Variants in LMBRD1 observed in about 807,000 individuals in gnomAD.
LMBRD1 encodes the protein LMBR1 domain containing 1, also known as lysosomal cobalamin transport escort protein LMBD1.
LMBRD1 carries 64 observed loss-of-function variants against 74.8 expected under a neutral mutation model. That is an observed-to-expected ratio of 0.86 (90% confidence interval 0.70 to 1.05). The LOEUF is 1.05. Among genes scored for constraint, LMBRD1 ranks in the 50% least tolerant of loss-of-function variants. LMBRD1 has a pLI of 0.00. For synonymous variants in LMBRD1, 204 were observed against 216.3 expected, an observed-to-expected ratio of 0.94 and a Z score of 0.50; for missense variants, 652 against 645.9, an observed-to-expected ratio of 1.01 and a Z score of -0.10.
At chr6:69,679,697 C>T (rs952618662) in intron 14 of LMBRD1, among the ~76,000 whole-genome samples, 6 of 152,154 alleles carry the variant, frequency 3.9e-5, no homozygotes, top group African/African-American at 1.2e-4. Flanking sequence ...GCCCAGGCTC[C>T]GGACTCTGAC....
At chr6:69,730,887 T>A (rs1489638487) in intron 7 of LMBRD1, among the ~76,000 whole-genome samples, 1 of 152,078 alleles carries the variant, frequency 6.6e-6, no homozygotes, top group African/African-American at 2.4e-5. Context: ...TGCAAAAGGA[T>A]TCCCTTCTAT....
intron 3 of LMBRD1, among the ~76,000 whole-genome samples, chr6:69,778,180 A>ATG (rs1175060947): frequency 1.3e-5 from 2 of 152,154 alleles, no homozygotes; most frequent in East Asian, 3.8e-4. Flanking sequence ...TTTTAAACAA[A>ATG]TTTTTTTCCT....
At chr6:69,764,178 G>A (rs1765431091) in intron 3 of LMBRD1, among the ~76,000 whole-genome samples, 1 of 152,174 alleles carries the variant, frequency 6.6e-6, no homozygotes, top group Non-Finnish European at 1.5e-5. Flanking sequence ...TTCATATGTT[G>A]AAGCCCTAAC....
chr6:69,765,399 T>A (rs1765457861), intron 3 of LMBRD1, among the ~76,000 whole-genome samples: 1 of 152,208 alleles, frequency 6.6e-6, no homozygotes, highest in Non-Finnish European at 1.5e-5. Context: ...TTGGCACAGC[T>A]GTTGAAAATC....
chr6:69,796,976 C>G lies in LMBRD1; in HGVS notation c.-95G>C. The G allele has an allele frequency of 1.8e-6, 2 of 1,104,500 alleles. No homozygotes were observed. Among genetic ancestry groups the G allele is most frequent in the Non-Finnish European group, 2.7e-6 (2 of 743,410 alleles). The allele number at this position is 1,104,500 out of a possible 1,614,324, so 68.4% of individuals were successfully genotyped here. A position where few individuals can be genotyped will look rare whatever the true frequency, so the allele number is the denominator to read the frequency against. The stretch of plus-strand genomic sequence containing the variant: ...GCGAGATATACTGCACCCGCGCACC[C>G]TAAAGGTTAAAGGGGCGGAGGGGGA... On this transcript the variant is annotated 5_prime_UTR_variant, in exon 1 of 16. Coordinates refer to ENST00000649934, the MANE Select transcript of LMBRD1 (RefSeq NM_018368.4).
intron 14 of LMBRD1, among the ~76,000 whole-genome samples, chr6:69,679,659 C>A (rs1582038054): frequency 6.6e-6 from 1 of 152,134 alleles, no homozygotes; most frequent in East Asian, 1.9e-4. Flanking sequence ...TAAAGCATAA[C>A]TAAAATGTCC....
chr6:69,697,569 G>C lies in LMBRD1; in HGVS notation c.1411C>G (p.Pro471Ala). 6.3e-7 allele frequency: 1 copy of C among 1,598,756 alleles called. No homozygotes were observed. The highest frequency in any genetic ancestry group is 1.1e-5 in the South Asian group (1 of 90,720). ...SVPKRCDADA[P>A]EDQCTVTRTY... ...TAAAACAAGCTGTTTTTACCTTCAG[G>C]AGCATCTGCATCACATCTCTTTGGC... Residue 471 changes from proline to alanine, a missense_variant, in exon 14 of 16, where the codon CCT (proline) becomes GCT (alanine). Transcript: ENST00000649934.
chr6:69,791,097 A>G (rs972225247), intron 1 of LMBRD1, among the ~76,000 whole-genome samples: 2 of 152,240 alleles, frequency 1.3e-5, no homozygotes, highest in African/African-American at 2.4e-5. Flanking sequence ...TGACATCTCT[A>G]GTCAGCCAAG....
chr6:69,767,496 T>G (rs1765495853), intron 3 of LMBRD1, among the ~76,000 whole-genome samples: 2 of 151,868 alleles, frequency 1.3e-5, no homozygotes, highest in South Asian at 4.1e-4. Context: ...CAAATACTTG[T>G]GGATTGCCAA....
At chr6:69,677,588 A>G (rs1294945892) in intron 14 of LMBRD1, among the ~76,000 whole-genome samples, 2 of 152,140 alleles carry the variant, frequency 1.3e-5, no homozygotes, top group African/African-American at 2.4e-5. Context: ...CCTTCAGTTC[A>G]AAGTACTTAG....
intron 9 of LMBRD1, among the ~76,000 whole-genome samples, chr6:69,703,189 TAAC>T (rs1273306435): frequency 6.6e-6 from 1 of 152,098 alleles, no homozygotes; most frequent in Non-Finnish European, 1.5e-5. Context: ...TCCTTTATAG[TAAC>T]AACTGCTCAT....
Position 69,675,144 on chromosome 6 carries a change from G to A in LMBRD1, c.*1014C>T, listed in dbSNP as rs898785792. ...AAAATGGCACAAAAATTAAGGGAGA[G>A]AATAATTAACTTAGATATAGTTGTT... is the stretch of plus-strand genomic sequence containing the variant. On this transcript the variant is annotated 3_prime_UTR_variant, in exon 16 of 16. Coordinates refer to ENST00000649934, the MANE Select transcript of LMBRD1 (RefSeq NM_018368.4). Among the ~76,000 whole-genome samples the A allele has an allele frequency of 6.6e-6, 1 of 151,954 alleles. No individual in the cohort carries two copies. Among genetic ancestry groups the A allele is most frequent in the Admixed American group, 6.6e-5 (1 of 15,246 alleles).
chr6:69,779,181 G>C (rs1765771479), intron 3 of LMBRD1, among the ~76,000 whole-genome samples: 1 of 97,222 alleles, frequency 1.0e-5, no homozygotes, highest in Non-Finnish European at 1.8e-5. Context: ...GCGAGACTCA[G>C]TCTCAAAAAA....
intron 8 of LMBRD1, among the ~76,000 whole-genome samples, chr6:69,715,721 T>C (rs2149854350): frequency 6.6e-6 from 1 of 152,174 alleles, no homozygotes; most frequent in East Asian, 1.9e-4. Context: ...TATACAAATG[T>C]ATTTACGATG....
intron 14 of LMBRD1, among the ~76,000 whole-genome samples, chr6:69,695,322 TTC>T (rs1270644722): frequency 1.3e-5 from 2 of 152,292 alleles, no homozygotes; most frequent in Admixed American, 6.5e-5. Flanking sequence ...ATTAAATTTT[TTC>T]TCTTTTTTCA....
chr6:69,720,821 G>C (rs1056415306), intron 7 of LMBRD1, among the ~76,000 whole-genome samples: 2 of 152,138 alleles, frequency 1.3e-5, no homozygotes, highest in Admixed American at 6.5e-5. Context: ...TACTAAAAGA[G>C]GCATTGAGGA....
In LMBRD1 at chr6:69,730,462, G is replaced by A. The variant is rs539288307; in HGVS notation, c.636+7480C>T. ...TTTAAGTATTCACTGAGTCTAAGAC[G>A]TATATATTTTCTTACATTTAATATC... On this transcript the variant is annotated intron_variant, in intron 7 of 15. Coordinates refer to ENST00000649934, the MANE Select transcript of LMBRD1 (RefSeq NM_018368.4). Among the ~76,000 whole-genome samples, 52 of 152,138 alleles carry A rather than the reference G, an allele frequency of 3.4e-4. 1 individual carries two copies. In the South Asian group the frequency reaches 9.7e-3, roughly 29 times the overall value.
chr6:69,725,093 T>TA (rs1766697994), intron 7 of LMBRD1, among the ~76,000 whole-genome samples: 3 of 151,698 alleles, frequency 2.0e-5, no homozygotes, highest in Admixed American at 1.3e-4. Context: ...AAAATAAATT[T>TA]AAAAAAGTAA....
At chr6:69,679,273 C>T (rs1765613454) in intron 14 of LMBRD1, among the ~76,000 whole-genome samples, 1 of 152,126 alleles carries the variant, frequency 6.6e-6, no homozygotes. Context: ...GGACATATTT[C>T]TGTCTCCTAT....
Sources: allele counts gnomAD v4.1 joint callset (sites outside exome capture counted in the v4.1 genomes callset), GRCh38; gene constraint gnomAD v4.1.1; transcripts MANE v1.5; gene names NCBI Gene and HGNC (gene_info 2026-07-23, HGNC 2026-07-21).